The following POLL variants were observed in gnomAD, a reference collection of about 807,000 sequenced individuals.
The protein encoded by POLL is DNA polymerase lambda.
In POLL, 44 loss-of-function variants were observed where a neutral mutation model predicts 58.1. That is an observed-to-expected ratio of 0.76 (90% CI 0.60 to 0.97). POLL has a LOEUF of 0.97. POLL is among the 50% of genes least tolerant of loss of function. POLL has a pLI of 0.00. For synonymous variants in POLL, 290 were observed against 283.2 expected (o/e 1.02, Z -0.24); for missense variants, 632 against 736.8 (o/e 0.86, Z 1.65).
chr10:101,585,306 G>T lies in POLL; in HGVS notation c.573+10C>A. The T allele has an allele frequency of 6.6e-7, 1 of 1,523,254 alleles. No homozygotes were observed. Among genetic ancestry groups the T allele is most frequent in the Non-Finnish European group, 8.8e-7 (1 of 1,135,522 alleles). The allele number at this position is 1,523,254 out of a possible 1,614,324, so 94.4% of individuals were successfully genotyped here. On this transcript the variant is annotated intron_variant, in intron 4 of 8. Coordinates refer to ENST00000370162, the MANE Select transcript of POLL (RefSeq NM_001174084.2). ...GGGAAGGGAGTTCTGAGGGATGGGA[G>T]GCTCCTGACCTGGGCTTGGGTGTTT...
At chr10:101,586,539 G>C (rs1389287394) in intron 2 of POLL, among the ~76,000 whole-genome samples, 1 of 152,134 alleles carries the variant, frequency 6.6e-6, no homozygotes, top group East Asian at 1.9e-4. Context: ...TGTCGCCCAG[G>C]CTGGAGTACA....
rs2134610130 is a variant in POLL, at chr10:101,582,821, T to C, written c.1136A>G (p.His379Arg). 1 of 1,614,212 alleles carries C rather than the reference T, an allele frequency of 6.2e-7. No individual in the cohort carries two copies. Among genetic ancestry groups the C allele is most frequent in the Non-Finnish European group, 8.5e-7 (1 of 1,180,016 alleles). ...CATACGTTCCAGGAAGTCACTGTAA[T>C]GCTTCAGGCCGATGGCCTGCTGGGT... ...LTTQQAIGLK[H>R]YSDFLERMPR... The change falls in exon 7 of 9, where the codon CAT becomes CGT. Residue 379 changes from histidine to arginine, a missense_variant. Coordinates refer to ENST00000370162, the MANE Select transcript of POLL (RefSeq NM_001174084.2).
At position 101,582,779 on chromosome 10, in the gene POLL, G is replaced by GT; in HGVS notation, c.1177dup (p.Thr393AsnfsTer4). 6.2e-7 allele frequency: 1 copy of GT among 1,614,144 alleles called. No homozygotes were observed. Reference sequence around the variant, plus strand: ...CCTGCTTACTGTCTGCTCAATCTCTGTAGCCTCCTCCCTGGGCATACGTTC... The same window carrying GT: ...CCTGCTTACTGTCTGCTCAATCTCTGTTAGCCTCCTCCCTGGGCATACGTTC... On this transcript the variant is annotated frameshift_variant, in exon 7 of 9. Transcript: ENST00000370162. LOFTEE classifies it high-confidence loss of function.
chr10:101,579,864 G>A lies in POLL; in HGVS notation c.1364-47C>T, dbSNP rs745813613. On this transcript the variant is annotated intron_variant, in intron 8 of 8. Coordinates refer to ENST00000370162, the MANE Select transcript of POLL (RefSeq NM_001174084.2). This position sits in a 1 kb window ranked among gnomAD's most constrained non-coding sequence, Gnocchi z 4.4. ...CTGGGAGGGCAGGGAACCAGGCCTG[G>A]GCTGTCCCATCCTCCCAGGTCTCTC... The A allele has an allele frequency of 2.4e-5, 37 of 1,573,836 alleles. No individual in the cohort carries two copies. The highest frequency in any genetic ancestry group is 3.2e-5 in the Non-Finnish European group (37 of 1,160,142).
At chr10:101,585,594 T>G in intron 3 of POLL, 116 bp from the exon 4 acceptor site, 1 of 973,036 alleles carries the variant, frequency 1.0e-6, no homozygotes. Context: ...AGAAAACGAG[T>G]TTTTTGAGGT....
Position 101,579,665 on chromosome 10 carries a change from A to C in POLL, c.1516T>G (p.Phe506Val). ...YSEFACALLYFTGSAHFNRSM... is the reference protein window; with the variant it reads ...YSEFACALLYVTGSAHFNRSM... ...CGGTTGAAGTGTGCAGAGCCGGTGA[A>C]GTAGAGCAGGGCACAGGCAAACTCG... The change falls in exon 9 of 9, where the codon TTC (phenylalanine) becomes GTC (valine). Residue 506 changes from phenylalanine to valine, a missense_variant. By Grantham distance (50) the Phe-to-Val change is conservative. Transcript: ENST00000370162. The surrounding 1 kb of genome is among the most constrained non-coding windows in gnomAD (Gnocchi z 4.4). 1 of 1,613,738 alleles carries C rather than the reference A, an allele frequency of 6.2e-7. No individual in the cohort carries two copies. The highest frequency in any genetic ancestry group is 2.2e-5 in the East Asian group (1 of 44,846).
Position 101,579,731 on chromosome 10 carries a change from G to A in POLL, c.1450C>T (p.Arg484Trp), listed in dbSNP as rs370380523. ...ATGATGTCCAGGCGCCGGTGCCGCC[G>A]CCCTGGCCCTGGGAGCCGGCACACC... The part of the protein sequence containing the change: ...LGVCRLPGPG[R>W]RHRRLDIIVV... Residue 484 changes from arginine (R) to tryptophan (W), a missense_variant, in exon 9 of 9, where the codon CGG becomes TGG. Coordinates refer to ENST00000370162, the MANE Select transcript of POLL (RefSeq NM_001174084.2). The surrounding 1 kb of genome is among the most constrained non-coding windows in gnomAD (Gnocchi z 4.4). 73 of 1,613,748 alleles carry A rather than the reference G, an allele frequency of 4.5e-5. No individual in the cohort carries two copies. The highest frequency in any genetic ancestry group is 3.3e-4 in the Middle Eastern group (2 of 6,062).
intron 1 of POLL, 107 bp from the exon 2 acceptor site, chr10:101,587,513 T>C: frequency 2.6e-5 from 26 of 1,018,044 alleles, no homozygotes; most frequent in East Asian, 5.9e-5. Context: ...GGGAAGCGGG[T>C]CGGGGGAGGG....
At chr10:101,585,009 G>A (rs2063224973) in intron 4 of POLL, 90 bp from the exon 5 acceptor site, 8 of 876,816 alleles carry the variant, frequency 9.1e-6, no homozygotes, top group Non-Finnish European at 1.1e-5. Flanking sequence ...TTGTGCGGGG[G>A]GAGGGTCTTC....
chr10:101,581,575 G>A (rs2062989188), intron 7 of POLL: 1 of 152,246 alleles, frequency 6.6e-6, no homozygotes, highest in Admixed American at 6.5e-5. Flanking sequence ...ACCAAAGTGA[G>A]CAAAACTTGC....
Position 101,579,123 on chromosome 10 carries a change from A to C in POLL, c.*330T>G. 6 of 324,116 alleles carry C rather than the reference A, an allele frequency of 1.9e-5. No homozygotes were observed. The highest frequency in any genetic ancestry group is 4.6e-5 in the Admixed American group (1 of 21,522). 20.1% of individuals were successfully genotyped at this position (324,116 alleles called of 1,614,324 possible). The stretch of plus-strand genomic sequence containing the variant: ...AGCTTGGCCTTTCCCATAGCAGGGA[A>C]GGGGGATACCTGGGGCTTCAAACCA... On this transcript the variant is annotated 3_prime_UTR_variant, in exon 9 of 9. Coordinates refer to ENST00000370162, the MANE Select transcript of POLL (RefSeq NM_001174084.2). The surrounding 1 kb of genome is among the most constrained non-coding windows in gnomAD (Gnocchi z 4.4).
chr10:101,583,377 G>A lies in POLL; in HGVS notation c.1065+131C>T, dbSNP rs1347798490. On this transcript the variant is annotated intron_variant, in intron 6 of 8. Transcript: ENST00000370162. ...ATGAGTCCTGGTCCGCTTGAAAAAT[G>A]GTCTCCCTATACTGTGGGTGCATTC... 6.7e-5 allele frequency: 63 copies of A among 940,906 alleles called. 1 individual carries two copies. The East Asian group carries it at 8.0e-4, about 12-fold the overall frequency. 58.3% of individuals were successfully genotyped at this position (940,906 alleles called of 1,614,324 possible). A position where few individuals can be genotyped will look rare whatever the true frequency, so the allele number is the denominator to read the frequency against.
chr10:101,583,691 G>A lies in POLL; in HGVS notation c.892-10C>T, dbSNP rs2063132831. The A allele has an allele frequency of 6.2e-7, 1 of 1,612,308 alleles. No individual in the cohort carries two copies. Among genetic ancestry groups the A allele is most frequent in the Non-Finnish European group, 8.5e-7 (1 of 1,178,556 alleles). On this transcript the variant is annotated splice_polypyrimidine_tract_variant and intron_variant, in intron 5 of 8. Transcript: ENST00000370162. ...GGATACTGCAGGCCTCCTAGAGGAG[G>A]AGGAGGCAGAGGCAAGAAAGAAGAG...
At chr10:101,586,240 A>C in intron 2 of POLL, 84 bp from the exon 3 acceptor site, 1 of 1,178,526 alleles carries the variant, frequency 8.5e-7, no homozygotes, top group Non-Finnish European at 1.2e-6. Context: ...AACTTCTAAC[A>C]TGATCTGAAT....
intron 1 of POLL, 125 bp from the exon 2 acceptor site, chr10:101,587,531 T>C (rs1367611377): frequency 1.4e-6 from 2 of 1,478,956 alleles, no homozygotes; most frequent in Non-Finnish European, 1.8e-6. Context: ...GGGGGTCTCT[T>C]CAAACCCGGT....
At chr10:101,586,467 T>C (rs1335181675) in intron 2 of POLL, among the ~76,000 whole-genome samples, 2 of 152,140 alleles carry the variant, frequency 1.3e-5, no homozygotes, top group Non-Finnish European at 2.9e-5. Context: ...CTTCTTACTT[T>C]GTTTTTTGTT....
At chr10:101,585,162 A>G (rs1056328495) in intron 4 of POLL, among the ~76,000 whole-genome samples, 154 bp downstream of exon 4, 5 of 152,188 alleles carry the variant, frequency 3.3e-5, no homozygotes, top group Non-Finnish European at 4.4e-5. Flanking sequence ...AGATAAATGC[A>G]GCAGTGATGA....
At chr10:101,587,546 C>A in intron 1 of POLL, 140 bp from the exon 2 acceptor site, 1 of 1,453,516 alleles carries the variant, frequency 6.9e-7, no homozygotes, top group East Asian at 2.6e-5. Flanking sequence ...CCCGGTTAAA[C>A]TTCAGTGGTT....
At chr10:101,587,565 C>A in intron 1 of POLL, 159 bp from the exon 2 acceptor site, 1 of 1,342,108 alleles carries the variant, frequency 7.5e-7, no homozygotes, top group Non-Finnish European at 9.9e-7. Context: ...TTTAGCCTAG[C>A]TTCACACTCC....
Sources: allele counts gnomAD v4.1 joint callset (sites outside exome capture counted in the v4.1 genomes callset), GRCh38; gene constraint gnomAD v4.1.1; non-coding constraint Gnocchi (gnomAD v3.1); transcripts MANE v1.5; gene names NCBI Gene and HGNC (gene_info 2026-07-23, HGNC 2026-07-21).